HMBOX1: variants seen among roughly 807,000 people sequenced by gnomAD.
The protein encoded by HMBOX1 is homeobox-containing protein 1.
In HMBOX1, 14 loss-of-function variants were observed where a neutral mutation model predicts 54.5. The ratio of observed to expected loss-of-function variants is 0.26; its 90% CI spans 0.17 to 0.40. The LOEUF (loss-of-function observed/expected upper bound fraction) is 0.40. Among genes scored for constraint, HMBOX1 ranks in the 10% least tolerant of loss-of-function variants. The probability of loss-of-function intolerance (pLI) is 1.00; values close to 1 mark genes in which losing one functional copy is unlikely to be tolerated. For synonymous variants in HMBOX1, 160 were observed against 181.0 expected (o/e 0.88, Z 0.93); for missense variants, 332 against 514.4 (o/e 0.65, Z 3.43).
At chr8:28,928,218 A>G (rs1818891308) in intron 1 of HMBOX1, among the ~76,000 whole-genome samples, 2 of 152,206 alleles carry the variant, frequency 1.3e-5, no homozygotes, top group Non-Finnish European at 2.9e-5. Context: ...AGTTTGCCCT[A>G]GTATGGGAAG....
At chr8:28,960,898 T>C (rs893144473) in intron 1 of HMBOX1, among the ~76,000 whole-genome samples, 1 of 149,232 alleles carries the variant, frequency 6.7e-6, no homozygotes, top group East Asian at 2.0e-4. Context: ...GCGATTCTCC[T>C]GCCTCAGACT....
At chr8:29,037,931 T>G (rs1804175345) in intron 6 of HMBOX1, among the ~76,000 whole-genome samples, 1 of 152,176 alleles carries the variant, frequency 6.6e-6, no homozygotes, top group South Asian at 2.1e-4. Flanking sequence ...CACACTGAAT[T>G]GTAGTTAGTG....
intron 1 of HMBOX1, among the ~76,000 whole-genome samples, chr8:28,958,312 T>C (rs1361963123): frequency 6.6e-6 from 1 of 152,158 alleles, no homozygotes; most frequent in African/African-American, 2.4e-5. Flanking sequence ...TTTCTAGACA[T>C]TGTATTGCCA....
intron 3 of HMBOX1, among the ~76,000 whole-genome samples, chr8:28,972,325 G>C (rs1202720119): frequency 6.6e-6 from 1 of 152,092 alleles, no homozygotes; most frequent in Non-Finnish European, 1.5e-5. Flanking sequence ...TGATTCTCCT[G>C]CTTTAGCCTC....
chr8:28,973,857 C>T (rs1019201601), intron 3 of HMBOX1, among the ~76,000 whole-genome samples: 2 of 116,598 alleles, frequency 1.7e-5, no homozygotes, highest in Non-Finnish European at 1.7e-5. Context: ...CTCTGTCACC[C>T]AGGCTGGAGT....
chr8:28,935,372 A>C (rs1489883319), intron 1 of HMBOX1, among the ~76,000 whole-genome samples: 1 of 152,240 alleles, frequency 6.6e-6, no homozygotes, highest in East Asian at 1.9e-4. Context: ...CATAGGATAG[A>C]TCAGTTGAAC....
intron 1 of HMBOX1, among the ~76,000 whole-genome samples, chr8:28,892,866 A>G (rs571464518): frequency 5.3e-5 from 8 of 152,304 alleles, no homozygotes; most frequent in African/African-American, 1.9e-4. Flanking sequence ...CTTAACTTGA[A>G]ACACTACTTT....
intron 1 of HMBOX1, among the ~76,000 whole-genome samples, chr8:28,931,951 ACTTTG>A (rs993000296): frequency 3.3e-5 from 5 of 152,300 alleles, no homozygotes; most frequent in African/African-American, 1.2e-4. Context: ...AACAATCTCT[ACTTTG>A]ATAAGGTTGG....
chr8:28,981,972 T>C (rs556274783), intron 4 of HMBOX1, among the ~76,000 whole-genome samples: 85 of 152,154 alleles, frequency 5.6e-4, no homozygotes, highest in Admixed American at 1.9e-3. Flanking sequence ...GCGTGGTGGC[T>C]CACACCTGTA....
At chr8:28,943,048 T>A (rs939345728) in intron 1 of HMBOX1, among the ~76,000 whole-genome samples, 2 of 152,202 alleles carry the variant, frequency 1.3e-5, no homozygotes. Flanking sequence ...CATCTGATTT[T>A]ATTTGATGAT....
intron 2 of HMBOX1, among the ~76,000 whole-genome samples, chr8:28,965,851 T>C (rs1826341928): frequency 6.6e-6 from 1 of 152,200 alleles, no homozygotes; most frequent in Non-Finnish European, 1.5e-5. Context: ...TGACATGAGG[T>C]GACATTCCTG....
chr8:28,899,214 C>T (rs1280397374), intron 1 of HMBOX1, among the ~76,000 whole-genome samples: 1 of 152,198 alleles, frequency 6.6e-6, no homozygotes, highest in African/African-American at 2.4e-5. Flanking sequence ...AACGTACTAT[C>T]TCTACAGTTT....
rs1162477676 is a variant in HMBOX1 at position 28,960,765 on chromosome 8, C to CT, written c.-57-3007dup. ...TTATTCTCTTTTTCTTTTTCTTTTT[C>CT]TTTTTTTTTTTTTTTTTTTTTTTTT... On this transcript the variant is annotated intron_variant, in intron 1 of 9. Transcript: ENST00000287701. Among the ~76,000 whole-genome samples, 8 of 16,270 alleles carry CT rather than the reference C, an allele frequency of 4.9e-4. 1 individual carries two copies. Among genetic ancestry groups the CT allele is most frequent in the Admixed American group, 1.0e-3 (1 of 1,002 alleles). The allele number at this position is 16,270 out of a possible 152,430, so 10.7% of individuals were successfully genotyped here. A position where few individuals can be genotyped will look rare whatever the true frequency, so the allele number is the denominator to read the frequency against.
chr8:29,003,389 A>G (rs975024924), intron 4 of HMBOX1, among the ~76,000 whole-genome samples: 13 of 151,524 alleles, frequency 8.6e-5, no homozygotes, highest in African/African-American at 2.9e-4. Context: ...GAAGATTTAC[A>G]ATGTACTATA....
At chr8:28,926,260 A>C (rs1435743981) in intron 1 of HMBOX1, among the ~76,000 whole-genome samples, 1 of 151,686 alleles carries the variant, frequency 6.6e-6, no homozygotes, top group Non-Finnish European at 1.5e-5. Context: ...AGAGATAAAC[A>C]TATATGTATT....
At chr8:28,953,580 A>G (rs1823895571) in intron 1 of HMBOX1, among the ~76,000 whole-genome samples, 1 of 148,616 alleles carries the variant, frequency 6.7e-6, no homozygotes, top group South Asian at 2.1e-4. Context: ...TTTTTTTTCC[A>G]GTGGTTAAGC....
intron 4 of HMBOX1, among the ~76,000 whole-genome samples, chr8:29,002,899 C>T (rs748007283): frequency 2.0e-4 from 30 of 152,068 alleles, no homozygotes; most frequent in Non-Finnish European, 3.4e-4. Flanking sequence ...TTTTAAAATT[C>T]GCTTTTCTCT....
chr8:29,021,475 A>C (rs1373472684), intron 6 of HMBOX1, among the ~76,000 whole-genome samples: 1 of 152,194 alleles, frequency 6.6e-6, no homozygotes, highest in Non-Finnish European at 1.5e-5. Flanking sequence ...ATTATCCCTA[A>C]TAAAGAGCTC....
intron 1 of HMBOX1, among the ~76,000 whole-genome samples, chr8:28,914,924 CA>C (rs1816227544): frequency 6.6e-6 from 1 of 152,140 alleles, no homozygotes; most frequent in Non-Finnish European, 1.5e-5. Context: ...TTTATTTCTT[CA>C]AAGGTGGCTA....
Sources: allele counts gnomAD v4.1 joint callset (sites outside exome capture counted in the v4.1 genomes callset), GRCh38; gene constraint gnomAD v4.1.1; transcripts MANE v1.5; gene names NCBI Gene and HGNC (gene_info 2026-07-23, HGNC 2026-07-21).